SLC2A14: variants seen among roughly 807,000 people sequenced by gnomAD.
SLC2A14 encodes the protein solute carrier family 2, facilitated glucose transporter member 14.
Under a neutral mutation model 43.0 loss-of-function variants are expected in SLC2A14, and 13 were observed. The observed-to-expected ratio is 0.30, with a 90% CI of 0.20 to 0.48. The LOEUF is 0.48. SLC2A14 is among the 20% of genes least tolerant of loss of function. The probability of loss-of-function intolerance (pLI) is 0.99; values close to 1 mark genes in which losing one functional copy is unlikely to be tolerated. For missense variants in SLC2A14, 428 were observed against 620.4 expected, an observed-to-expected ratio of 0.69 and a Z score of 3.29; for synonymous variants, 190 against 233.8, an observed-to-expected ratio of 0.81 and a Z score of 1.71.
intron 2 of SLC2A14, among the ~76,000 whole-genome samples, chr12:7,844,145 G>C (rs1866253776): frequency 6.6e-6 from 1 of 152,076 alleles, no homozygotes; most frequent in Admixed American, 6.6e-5. Flanking sequence ...CCTAGTGCTG[G>C]TTCCAGTCTA....
chr12:7,857,395 C>T (rs1426176744), intron 2 of SLC2A14, among the ~76,000 whole-genome samples: 1 of 152,090 alleles, frequency 6.6e-6, no homozygotes, highest in Non-Finnish European at 1.5e-5. Context: ...TTGAGACCGG[C>T]CTGACCAAAA....
intron 1 of SLC2A14, among the ~76,000 whole-genome samples, chr12:7,882,985 C>T (rs145876196): frequency 0.019 from 2,818 of 151,760 alleles, 86 homozygotes; most frequent in African/African-American, 0.065. Flanking sequence ...CCAAGGTGGG[C>T]GGATCACAAG....
Position 7,844,616 on chromosome 12 carries a change from AG to A in SLC2A14, c.19-11803del, listed in dbSNP as rs1161421042. On this transcript the variant is annotated intron_variant, in intron 2 of 10. Coordinates refer to ENST00000431042, the MANE Select transcript of SLC2A14 (RefSeq NM_001286234.2). ...CAGTGGCACAATCTCGGCTCATTGCAGCCTCCACCTCCCAGGTTCAAGCAGT... is the reference window on the plus strand; with the variant it reads ...CAGTGGCACAATCTCGGCTCATTGCACCTCCACCTCCCAGGTTCAAGCAGT... 2.0e-5 allele frequency among the ~76,000 whole-genome samples: 3 copies of A among 150,952 alleles called. No individual in the cohort carries two copies. In the East Asian group the frequency reaches 5.9e-4, roughly 30 times the overall value.
At chr12:7,817,777 T>C (rs773518908) in intron 10 of SLC2A14, 54 bp downstream of exon 10, 42 of 1,587,304 alleles carry the variant, frequency 2.6e-5, no homozygotes, top group South Asian at 3.4e-5. Context: ...GATAGATAGA[T>C]AGACAGATAC....
At chr12:7,883,485 C>T (rs186349791) in intron 1 of SLC2A14, among the ~76,000 whole-genome samples, 2,471 of 150,178 alleles carry the variant, frequency 0.016, 62 homozygotes, top group African/African-American at 0.056. Flanking sequence ...CCAGGATGGT[C>T]TTGATCTCCT....
intron 2 of SLC2A14, chr12:7,839,922 TACA>T (rs1865788300): frequency 1.5e-5 from 1 of 68,658 alleles, no homozygotes; most frequent in Non-Finnish European, 2.6e-5. Flanking sequence ...ACCCTGTCTC[TACA>T]AAAAAAAAAA....
Position 7,843,786 on chromosome 12 carries a change from G to A in SLC2A14, c.19-10972C>T, listed in dbSNP as rs770296730. Among the ~76,000 whole-genome samples, 66 of 150,976 alleles carry A rather than the reference G, an allele frequency of 4.4e-4. No homozygotes were observed. The East Asian group carries it at 1.0e-2, about 23-fold the overall frequency. On this transcript the variant is annotated intron_variant, in intron 2 of 10. Coordinates refer to ENST00000431042, the MANE Select transcript of SLC2A14 (RefSeq NM_001286234.2). ...GAAGCTGAAATATCATCATCAACTC[G>A]ACATGAGGGGATAACCTCTGGATCC...
At chr12:7,846,084 C>A (rs1040264539) in intron 2 of SLC2A14, among the ~76,000 whole-genome samples, 1 of 151,774 alleles carries the variant, frequency 6.6e-6, no homozygotes, top group Admixed American at 6.6e-5. Context: ...CAAAGGGAGA[C>A]CTTGTCTAAA....
At chr12:7,858,356 T>G (rs2120975984) in intron 2 of SLC2A14, among the ~76,000 whole-genome samples, 1 of 152,258 alleles carries the variant, frequency 6.6e-6, no homozygotes, top group East Asian at 1.9e-4. Flanking sequence ...TGGGTTGTAT[T>G]TTATTACTGA....
intron 7 of SLC2A14, among the ~76,000 whole-genome samples, chr12:7,824,012 T>A (rs903148969): frequency 6.6e-6 from 1 of 152,074 alleles, no homozygotes; most frequent in Non-Finnish European, 1.5e-5. Context: ...TCCCAGCACA[T>A]TGGGAGGCTG....
intron 1 of SLC2A14, among the ~76,000 whole-genome samples, chr12:7,881,372 G>GCGGCCGGC (rs1169515995): frequency 4.0e-5 from 6 of 151,884 alleles, no homozygotes; most frequent in African/African-American, 7.2e-5. Context: ...CGCACTCGGA[G>GCGGCCGGC]CGGCCGGCCG....
At chr12:7,867,309 AC>A (rs376079492) in intron 2 of SLC2A14, among the ~76,000 whole-genome samples, 30,720 of 140,732 alleles carry the variant, frequency 0.22, 3,449 homozygotes, top group East Asian at 0.32. Flanking sequence ...AACAAAAAAA[AC>A]ATTCGTGATT....
At chr12:7,842,544 T>C (rs747021755) in intron 2 of SLC2A14, among the ~76,000 whole-genome samples, 7 of 152,238 alleles carry the variant, frequency 4.6e-5, no homozygotes, top group Non-Finnish European at 1.0e-4. Context: ...AAGACAGTTC[T>C]TTGAGTTCCT....
At chr12:7,846,864 C>A (rs1866512761) in intron 2 of SLC2A14, among the ~76,000 whole-genome samples, 3 of 151,640 alleles carry the variant, frequency 2.0e-5, no homozygotes. Flanking sequence ...GAACTCCTGA[C>A]CTCATGATCC....
At chr12:7,870,371 C>T (rs1171066184) in intron 1 of SLC2A14, among the ~76,000 whole-genome samples, 1 of 152,098 alleles carries the variant, frequency 6.6e-6, no homozygotes, top group Non-Finnish European at 1.5e-5. Flanking sequence ...GCCACCTCTC[C>T]TCATAGCATC....
intron 7 of SLC2A14, among the ~76,000 whole-genome samples, chr12:7,824,156 T>C (rs943291075): frequency 6.6e-6 from 1 of 151,858 alleles, no homozygotes; most frequent in Admixed American, 6.6e-5. Flanking sequence ...CTCAGGAGGC[T>C]GAGACAGGAG....
intron 10 of SLC2A14, among the ~76,000 whole-genome samples, chr12:7,816,085 T>TTTA (rs879341587): frequency 0.062 from 2,813 of 45,402 alleles, 753 homozygotes; most frequent in African/African-American, 0.24. Flanking sequence ...AATTTTTATT[T>TTTA]TTTATTTTTT....
chr12:7,869,100 C>T (rs1042980818), intron 2 of SLC2A14, among the ~76,000 whole-genome samples: 4 of 150,762 alleles, frequency 2.7e-5, no homozygotes, highest in Non-Finnish European at 4.4e-5. Context: ...GCCGAGATCA[C>T]ACCATTGCGC....
At chr12:7,823,945 C>T (rs7959365) in intron 7 of SLC2A14, among the ~76,000 whole-genome samples, 149,915 of 152,258 alleles carry the variant, frequency 0.98, 73,835 homozygotes, top group East Asian at 1. Flanking sequence ...ACTATGTATA[C>T]TTATATTTTC....
Sources: gnomAD v4.1 joint callset for allele counts (sites outside exome capture counted in the v4.1 genomes callset) on GRCh38, gnomAD v4.1.1 for gene constraint, MANE v1.5 for transcripts, NCBI Gene and HGNC (gene_info 2026-07-23, HGNC 2026-07-21) for gene names.